PBX3: variants seen among roughly 807,000 people sequenced by gnomAD.
PBX3 encodes the protein pre-B-cell leukemia transcription factor 3.
In PBX3, 14 loss-of-function variants were observed where a neutral mutation model predicts 48.5. The ratio of observed to expected loss-of-function variants is 0.29; its 90% CI spans 0.19 to 0.45. The LOEUF is 0.45. Among genes scored for constraint, PBX3 ranks in the 20% least tolerant of loss-of-function variants. The pLI is 1.00. For synonymous variants in PBX3, 210 were observed against 200.3 expected (o/e 1.05, Z -0.41); for missense variants, 386 against 546.7 (o/e 0.71, Z 2.93).
chr9:125,918,620 C>T (rs765675114), intron 3 of PBX3, among the ~76,000 whole-genome samples: 1 of 151,978 alleles, frequency 6.6e-6, no homozygotes, highest in Non-Finnish European at 1.5e-5. Flanking sequence ...AAAATCTGTA[C>T]AGTAGGGACA....
At chr9:125,895,781 A>G (rs969168762) in intron 2 of PBX3, among the ~76,000 whole-genome samples, 1 of 152,100 alleles carries the variant, frequency 6.6e-6, no homozygotes, top group East Asian at 1.9e-4. Flanking sequence ...ATTTTCATGC[A>G]TACAAAATAA....
At chr9:125,889,833 C>T (rs1231003859) in intron 2 of PBX3, among the ~76,000 whole-genome samples, 2 of 148,122 alleles carry the variant, frequency 1.4e-5, no homozygotes, top group African/African-American at 2.4e-5. Flanking sequence ...CGCCGCTCCG[C>T]GGCTCCGCGC....
At chr9:125,859,724 C>A (rs1261989940) in intron 2 of PBX3, among the ~76,000 whole-genome samples, 1 of 152,120 alleles carries the variant, frequency 6.6e-6, no homozygotes, top group African/African-American at 2.4e-5. Context: ...TAATGGAATT[C>A]CTAGACAGTA....
intron 2 of PBX3, among the ~76,000 whole-genome samples, chr9:125,899,373 A>G (rs2132415888): frequency 7.7e-6 from 1 of 129,156 alleles, no homozygotes; most frequent in East Asian, 2.0e-4. Flanking sequence ...ATATACATAT[A>G]TGTATATATT....
intron 2 of PBX3, among the ~76,000 whole-genome samples, chr9:125,890,659 T>C (rs1315359192): frequency 1.3e-5 from 2 of 152,252 alleles, no homozygotes; most frequent in Non-Finnish European, 2.9e-5. Context: ...CTATTCTTTT[T>C]ATACTTTTAA....
At chr9:125,750,992 C>T (rs562174942) in intron 2 of PBX3, among the ~76,000 whole-genome samples, 2 of 152,258 alleles carry the variant, frequency 1.3e-5, no homozygotes, top group East Asian at 1.9e-4. Flanking sequence ...GCAAAGAAAG[C>T]GGGGCTGCAA....
At chr9:125,875,476 G>C (rs1368911606) in intron 2 of PBX3, among the ~76,000 whole-genome samples, 1 of 152,032 alleles carries the variant, frequency 6.6e-6, no homozygotes, top group Non-Finnish European at 1.5e-5. Flanking sequence ...AAAAAAGTAT[G>C]TCTTTTGAAG....
In PBX3 at chr9:125,918,095, A is replaced by G. The variant is rs1008453871; in HGVS notation, c.516+2168A>G. On this transcript the variant is annotated intron_variant, in intron 3 of 8. Transcript: ENST00000373489. ...TATAACTACTTACTAGATAAACACT[A>G]CCAGTCACCTTGCATGGAAAGAGAT... Among the ~76,000 whole-genome samples, 14 of 152,346 alleles carry G rather than the reference A, an allele frequency of 9.2e-5. No homozygotes were observed. In the South Asian group the frequency reaches 2.3e-3, roughly 25 times the overall value.
At chr9:125,845,056 C>G (rs1839392775) in intron 2 of PBX3, 1 of 152,038 alleles carries the variant, frequency 6.6e-6, no homozygotes, top group African/African-American at 2.4e-5. Context: ...ATTATGGAAA[C>G]TGAACAAACT....
At chr9:125,835,051 A>AAAAAAAAAAAAAAAAAAAAAAAAAAAAT (rs1564681272) in intron 2 of PBX3, among the ~76,000 whole-genome samples, 1 of 108,002 alleles carries the variant, frequency 9.3e-6, no homozygotes, top group Non-Finnish European at 1.8e-5. Flanking sequence ...AAAAAAAAAA[A>AAAAAAAAAAAAAAAAAAAAAAAAAAAAT]GGGCAAAAGA....
chr9:125,943,580 C>G (rs1791718147), intron 5 of PBX3, among the ~76,000 whole-genome samples: 1 of 152,048 alleles, frequency 6.6e-6, no homozygotes, highest in African/African-American at 2.4e-5. Flanking sequence ...AGTCTCAGCA[C>G]TGTGTCTAAC....
chr9:125,780,339 C>T (rs1490437579), intron 2 of PBX3, among the ~76,000 whole-genome samples: 5 of 141,828 alleles, frequency 3.5e-5, no homozygotes, highest in South Asian at 2.2e-4. Context: ...CCTCACCTCC[C>T]GGACGGGGCG....
chr9:125,754,334 A>G, intron 2 of PBX3, among the ~76,000 whole-genome samples: 1 of 152,100 alleles, frequency 6.6e-6, no homozygotes, highest in East Asian at 1.9e-4. Context: ...GCCCGTGTTG[A>G]CCTTTTCAAG....
At chr9:125,948,359 A>G (rs1842110370) in intron 5 of PBX3, among the ~76,000 whole-genome samples, 1 of 152,270 alleles carries the variant, frequency 6.6e-6, no homozygotes, top group Non-Finnish European at 1.5e-5. Flanking sequence ...AGTACTTCTC[A>G]GTAAATAAAT....
intron 2 of PBX3, among the ~76,000 whole-genome samples, chr9:125,822,073 C>T (rs1366136114): frequency 6.6e-6 from 1 of 151,820 alleles, no homozygotes; most frequent in Non-Finnish European, 1.5e-5. Flanking sequence ...GTAAATTAGC[C>T]TGTGATTAAA....
chr9:125,868,554 C>T (rs1588239593), intron 2 of PBX3, among the ~76,000 whole-genome samples: 1 of 152,102 alleles, frequency 6.6e-6, no homozygotes, highest in Non-Finnish European at 1.5e-5. Flanking sequence ...GCATTTATTC[C>T]AGGGGCGTGG....
chr9:125,761,630 C>G (rs762024233), intron 2 of PBX3, among the ~76,000 whole-genome samples: 4 of 151,940 alleles, frequency 2.6e-5, no homozygotes, highest in Non-Finnish European at 5.9e-5. Flanking sequence ...TTTAAAAAGT[C>G]AAAACAATAA....
chr9:125,879,446 A>G (rs1462149317), intron 2 of PBX3, among the ~76,000 whole-genome samples: 1 of 152,232 alleles, frequency 6.6e-6, no homozygotes, highest in Non-Finnish European at 1.5e-5. Flanking sequence ...ATGATAGCCC[A>G]TAGGAAAGGT....
intron 2 of PBX3, among the ~76,000 whole-genome samples, chr9:125,787,812 A>G (rs992856195): frequency 6.6e-6 from 1 of 152,234 alleles, no homozygotes; most frequent in Non-Finnish European, 1.5e-5. Flanking sequence ...CTGTTATCAT[A>G]GGATGAGACA....
Sources: gnomAD v4.1 joint callset for allele counts (sites outside exome capture counted in the v4.1 genomes callset) on GRCh38, gnomAD v4.1.1 for gene constraint, MANE v1.5 for transcripts, NCBI Gene and HGNC (gene_info 2026-07-23, HGNC 2026-07-21) for gene names.